MAML2: variants seen among roughly 807,000 people sequenced by gnomAD.
MAML2 encodes the protein mastermind like transcriptional coactivator 2, also known as mastermind-like protein 2.
In MAML2, 22 loss-of-function variants were observed where a neutral mutation model predicts 96.1. That is an observed-to-expected ratio of 0.23 (90% CI 0.16 to 0.33). The LOEUF (loss-of-function observed/expected upper bound fraction) is 0.33. Among genes scored for constraint, MAML2 ranks in the 10% least tolerant of loss-of-function variants. The pLI is 1.00. For missense variants in MAML2, 1,367 were observed against 1,392.4 expected, an observed-to-expected ratio of 0.98 and a Z score of 0.29; for synonymous variants, 561 against 521.3, an observed-to-expected ratio of 1.08 and a Z score of -1.04.
intron 1 of MAML2, among the ~76,000 whole-genome samples, chr11:96,235,126 A>G (rs890734712): frequency 3.3e-5 from 5 of 152,180 alleles, no homozygotes; most frequent in Admixed American, 1.3e-4. Flanking sequence ...AAAAATTGAC[A>G]TTCTCCATAA....
At chr11:96,319,263 AG>A (rs1207401409) in intron 1 of MAML2, among the ~76,000 whole-genome samples, 2 of 152,188 alleles carry the variant, frequency 1.3e-5, no homozygotes, top group Admixed American at 1.3e-4. Flanking sequence ...CCTGGCTTTG[AG>A]GGGACTGCAG....
chr11:96,170,956 T>G (rs1337034797), intron 1 of MAML2, among the ~76,000 whole-genome samples: 1 of 152,050 alleles, frequency 6.6e-6, no homozygotes, highest in Non-Finnish European at 1.5e-5. Context: ...CCTCAAATGA[T>G]CCGCCCGCCT....
In MAML2 at chr11:96,092,463, C is replaced by T. The variant is rs777542538; in HGVS notation, c.1568G>A (p.Gly523Asp). 5.0e-6 allele frequency: 8 copies of T among 1,612,042 alleles called. No individual in the cohort carries two copies. ...YMYKAGPSAQ[G>D]GHLDVLMQQK... ...CTGCATGAGGACATCTAGGTGCCCA[C>T]CCTGGGCTGAGGGGCCGGCCTTGTA... The change falls in exon 2 of 5, where the codon GGT becomes GAT. Residue 523 changes from glycine to aspartate, a missense_variant. Physicochemically the swap from Gly to Asp is moderately conservative, Grantham distance 94 (BLOSUM62 -1). Transcript: ENST00000524717. This position sits in a 1 kb window ranked among gnomAD's most constrained non-coding sequence, Gnocchi z 4.1.
intron 2 of MAML2, among the ~76,000 whole-genome samples, chr11:96,006,872 TACACACACACACACACACAC>T (rs57492080): frequency 1.6e-5 from 2 of 123,968 alleles, no homozygotes; most frequent in South Asian, 2.5e-4. Flanking sequence ...GAATATCTTA[TACACACACACACACACACAC>T]ACACACACAC....
chr11:96,257,341 A>T (rs1565264693), intron 1 of MAML2, among the ~76,000 whole-genome samples: 1 of 152,194 alleles, frequency 6.6e-6, no homozygotes, highest in Non-Finnish European at 1.5e-5. Flanking sequence ...CCTCCATTGG[A>T]CTGTAAGTTC....
intron 1 of MAML2, among the ~76,000 whole-genome samples, chr11:96,327,225 G>A (rs1863797508): frequency 6.6e-6 from 1 of 152,078 alleles, no homozygotes; most frequent in Non-Finnish European, 1.5e-5. Context: ...GGTTGCTGAT[G>A]GGGAAATAAA....
At chr11:96,262,745 T>G (rs1425995851) in intron 1 of MAML2, among the ~76,000 whole-genome samples, 1 of 152,130 alleles carries the variant, frequency 6.6e-6, no homozygotes, top group Non-Finnish European at 1.5e-5. Context: ...CTGGGATAAT[T>G]TAATCCATTT....
chr11:96,241,822 G>A (rs899013709), intron 1 of MAML2, among the ~76,000 whole-genome samples: 15 of 152,282 alleles, frequency 9.9e-5, no homozygotes, highest in Non-Finnish European at 2.2e-4. Context: ...TTCTAGTTTT[G>A]CTCTGTTCAA....
intron 1 of MAML2, among the ~76,000 whole-genome samples, chr11:96,138,679 T>A (rs1860677772): frequency 6.6e-6 from 1 of 152,032 alleles, no homozygotes; most frequent in Admixed American, 6.6e-5. Flanking sequence ...GGTTTGATAA[T>A]GCATCCTCAC....
chr11:96,127,771 A>G (rs1860473016), intron 1 of MAML2, among the ~76,000 whole-genome samples: 1 of 152,190 alleles, frequency 6.6e-6, no homozygotes, highest in Non-Finnish European at 1.5e-5. Context: ...CAGGGGCAAT[A>G]AAAATGAAGC....
rs1396156146 is a variant in MAML2 at position 96,092,305 on chromosome 11, G to C, written c.1726C>G (p.Pro576Ala). The change falls in exon 2 of 5, where the codon CCT (proline) becomes GCT (alanine). Residue 576 changes from proline to alanine, a missense_variant. Coordinates refer to ENST00000524717, the MANE Select transcript of MAML2 (RefSeq NM_032427.4). This position sits in a 1 kb window ranked among gnomAD's most constrained non-coding sequence, Gnocchi z 4.1. ...QANQQMPSVL[P>A]SQNKPSLLHY... ...AGGAGAGAAGGCTTGTTCTGGGAAG[G>C]CAAAACAGAAGGCATCTGCTGGTTC... 6.3e-6 allele frequency: 10 copies of C among 1,578,602 alleles called. No homozygotes were observed. The highest frequency in any genetic ancestry group is 8.6e-6 in the Non-Finnish European group (10 of 1,161,684).
In MAML2 at chr11:96,291,701, C is replaced by T. The variant is rs77895376; in HGVS notation, c.513+49682G>A. Among the ~76,000 whole-genome samples, 961 of 152,240 alleles carry T rather than the reference C, an allele frequency of 6.3e-3. 17 individuals are homozygous for T. The highest frequency in any genetic ancestry group is 0.022 in the African/African-American group (899 of 41,532). On this transcript the variant is annotated intron_variant, in intron 1 of 4. Coordinates refer to ENST00000524717, the MANE Select transcript of MAML2 (RefSeq NM_032427.4). ...GTGTATTTGTGTGATATTGTATATG[C>T]ACACAAAGGGGCACGTGTAAGTATG...
chr11:96,085,319 AAC>A lies in MAML2; in HGVS notation c.2139+6571_2139+6572del, dbSNP rs577698686. 3.0e-4 allele frequency among the ~76,000 whole-genome samples: 46 copies of A among 152,280 alleles called. No individual in the cohort carries two copies. The South Asian group carries it at 8.3e-3, about 27-fold the overall frequency. On this transcript the variant is annotated intron_variant, in intron 2 of 4. Transcript: ENST00000524717. ...TTGAAACCCAGAACTCCTTATAGTA[AAC>A]ACCTTCTGAATCTCAAGTCTTTGTG... is the stretch of plus-strand genomic sequence containing the variant.
chr11:96,083,927 G>T (rs984083230), intron 2 of MAML2, among the ~76,000 whole-genome samples: 1 of 152,194 alleles, frequency 6.6e-6, no homozygotes, highest in African/African-American at 2.4e-5. Flanking sequence ...ATCCATATTA[G>T]GAGACCAGGG....
intron 1 of MAML2, among the ~76,000 whole-genome samples, chr11:96,097,995 C>T (rs1393965751): frequency 6.6e-6 from 1 of 152,240 alleles, no homozygotes; most frequent in East Asian, 1.9e-4. Context: ...AGCCATACTG[C>T]TGTCTTCCCT....
Position 96,342,450 on chromosome 11 carries a change from TAAA to T in MAML2, c.-558_-556del. The T allele has an allele frequency of 2.5e-6, 1 of 398,672 alleles. No homozygotes were observed. 24.7% of individuals were successfully genotyped at this position (398,672 alleles called of 1,614,324 possible). The stretch of plus-strand genomic sequence containing the variant: ...AGCCTTGACTTTTCCTCAGGTTAAA[TAAA>T]AAACCAAAACAAAACAAAACAGTGC... On this transcript the variant is annotated 5_prime_UTR_variant, in exon 1 of 5. Transcript: ENST00000524717.
intron 1 of MAML2, among the ~76,000 whole-genome samples, chr11:96,313,441 T>C (rs569521922): frequency 2.3e-3 from 349 of 152,270 alleles, no homozygotes; most frequent in African/African-American, 7.5e-3. Flanking sequence ...TTCCCTTTTT[T>C]CACACTCCTT....
chr11:96,163,303 G>A (rs1861143133), intron 1 of MAML2, among the ~76,000 whole-genome samples: 1 of 152,140 alleles, frequency 6.6e-6, no homozygotes, highest in Admixed American at 6.5e-5. Flanking sequence ...AATGATTCAG[G>A]CCTTCAGTAG....
chr11:96,129,976 T>C (rs1317014922), intron 1 of MAML2, among the ~76,000 whole-genome samples: 1 of 152,248 alleles, frequency 6.6e-6, no homozygotes, highest in African/African-American at 2.4e-5. Flanking sequence ...AAAGTTACCA[T>C]CTTGCAGCTG....
Sources: allele counts gnomAD v4.1 joint callset (sites outside exome capture counted in the v4.1 genomes callset), GRCh38; gene constraint gnomAD v4.1.1; non-coding constraint Gnocchi (gnomAD v3.1); transcripts MANE v1.5; gene names NCBI Gene and HGNC (gene_info 2026-07-23, HGNC 2026-07-21).